TNNI3K: variants seen among roughly 807,000 people sequenced by gnomAD.
TNNI3K encodes TNNI3 interacting kinase.
A neutral mutation model predicts 114.5 loss-of-function variants in TNNI3K; 140 were observed. The observed-to-expected ratio is 1.22, with a 90% confidence interval of 1.07 to 1.41. The LOEUF (loss-of-function observed/expected upper bound fraction) is 1.41. Ranked by LOEUF, TNNI3K falls within the 40% of genes most tolerant of loss-of-function variation. The pLI is 0.00. For synonymous variants in TNNI3K, 347 were observed against 347.5 expected (o/e 1.00, Z 0.02); for missense variants, 1,125 against 1,007.6 (o/e 1.12, Z -1.58).
chr1:74,532,190 A>G (rs6657815), intron 23 of TNNI3K, among the ~76,000 whole-genome samples: 142,841 of 152,218 alleles, frequency 0.94, 67,146 homozygotes, highest in Middle Eastern at 0.97. Flanking sequence ...AGTTTAGTGC[A>G]TGTGTATCTC....
In TNNI3K at chr1:74,509,747, C is replaced by CTTTT. The variant is rs68193106; in HGVS notation, c.2351+17508_2351+17511dup. 4.4e-4 allele frequency among the ~76,000 whole-genome samples: 21 copies of CTTTT among 47,810 alleles called. 1 individual carries two copies. Among genetic ancestry groups the CTTTT allele is most frequent in the Admixed American group, 7.5e-4 (2 of 2,668 alleles). The allele number at this position is 47,810 out of a possible 152,430, so 31.4% of individuals were successfully genotyped here. A position where few individuals can be genotyped will look rare whatever the true frequency, so the allele number is the denominator to read the frequency against. Reference sequence around the variant, plus strand: ...TTCTGGTTTTGAGTGATCTGAATTTCTTTTTTTTTTTTTTTTTTTTTTTTT... The same window carrying CTTTT: ...TTCTGGTTTTGAGTGATCTGAATTTCTTTTTTTTTTTTTTTTTTTTTTTTTTTTT... On this transcript the variant is annotated intron_variant, in intron 23 of 24. Coordinates refer to ENST00000326637, the MANE Select transcript of TNNI3K (RefSeq NM_015978.3).
intron 17 of TNNI3K, among the ~76,000 whole-genome samples, chr1:74,417,988 C>T (rs56659298): frequency 0.019 from 2,869 of 152,096 alleles, 108 homozygotes; most frequent in African/African-American, 0.066. Flanking sequence ...CTATTCTCCT[C>T]AGCAACAAAT....
At chr1:74,526,842 G>A (rs1646509897) in intron 23 of TNNI3K, among the ~76,000 whole-genome samples, 1 of 152,182 alleles carries the variant, frequency 6.6e-6, no homozygotes, top group South Asian at 2.1e-4. Flanking sequence ...GTAAACTACA[G>A]CTCATGGGTA....
chr1:74,533,363 T>A (rs867812621), intron 23 of TNNI3K, among the ~76,000 whole-genome samples: 1 of 152,152 alleles, frequency 6.6e-6, no homozygotes, highest in Non-Finnish European at 1.5e-5. Flanking sequence ...CACAATGACA[T>A]ACCATCTCAC....
chr1:74,495,975 A>T (rs1463271870), intron 23 of TNNI3K, among the ~76,000 whole-genome samples: 1 of 152,206 alleles, frequency 6.6e-6, no homozygotes, highest in East Asian at 1.9e-4. Flanking sequence ...TGGACTAAGT[A>T]CAGGAGGGCC....
intron 17 of TNNI3K, among the ~76,000 whole-genome samples, chr1:74,431,421 A>G (rs1025414302): frequency 1.3e-5 from 2 of 152,092 alleles, no homozygotes; most frequent in Non-Finnish European, 2.9e-5. Context: ...ATTTTAGATT[A>G]TGTACCTTGA....
At chr1:74,436,389 T>C (rs964357699) in intron 18 of TNNI3K, 85 bp from the exon 19 acceptor site, 4 of 1,433,960 alleles carry the variant, frequency 2.8e-6, no homozygotes, top group Non-Finnish European at 3.7e-6. Flanking sequence ...CAGAAGTCTC[T>C]TGAGGTTTCA....
At chr1:74,300,017 A>G (rs1389908775) in intron 5 of TNNI3K, among the ~76,000 whole-genome samples, 1 of 152,190 alleles carries the variant, frequency 6.6e-6, no homozygotes, top group Non-Finnish European at 1.5e-5. Flanking sequence ...AGCTAATTTT[A>G]TAACTTAGAA....
intron 21 of TNNI3K, chr1:74,471,386 A>G (rs1469570602): frequency 2.5e-6 from 1 of 400,602 alleles, no homozygotes; most frequent in African/African-American, 2.1e-5. Context: ...GGAGGCAACA[A>G]TACCTGCTTG....
At chr1:74,254,811 C>G (rs1655171400) in intron 4 of TNNI3K, among the ~76,000 whole-genome samples, 1 of 152,120 alleles carries the variant, frequency 6.6e-6, no homozygotes, top group African/African-American at 2.4e-5. Flanking sequence ...GAAAGGACAG[C>G]TACTCCATAG....
At chr1:74,387,373 G>A (rs1663537488) in intron 17 of TNNI3K, among the ~76,000 whole-genome samples, 1 of 152,200 alleles carries the variant, frequency 6.6e-6, no homozygotes, top group Non-Finnish European at 1.5e-5. Flanking sequence ...GAAGTGCCAT[G>A]AAAATCGTAT....
At chr1:74,361,162 A>G (rs1026723173) in intron 11 of TNNI3K, among the ~76,000 whole-genome samples, 1 of 152,106 alleles carries the variant, frequency 6.6e-6, no homozygotes, top group East Asian at 1.9e-4. Context: ...AACAGGCAAA[A>G]TATTTTAAAA....
At chr1:74,417,240 C>G (rs1288081788) in intron 17 of TNNI3K, among the ~76,000 whole-genome samples, 2 of 152,002 alleles carry the variant, frequency 1.3e-5, no homozygotes, top group African/African-American at 4.8e-5. Context: ...CTGCTCAGAT[C>G]TCCTGTAGAC....
Position 74,236,125 on chromosome 1 carries a change from G to A in TNNI3K, c.64G>A (p.Glu22Lys). Residue 22 changes from glutamate (E) to lysine (K), a missense_variant, in exon 2 of 25, where the codon GAA (glutamate) becomes AAA (lysine). By Grantham distance (56) the Glu-to-Lys change is moderately conservative. Transcript: ENST00000326637. ...CTDEWKKKVS[E>K]SYVITIERLE... ...AGATGAATGGAAGAAAAAAGTCAGT[G>A]AATCATATGTTATCACAATAGAAAG... 6.2e-7 allele frequency: 1 copy of A among 1,606,654 alleles called. No homozygotes were observed. Among genetic ancestry groups the A allele is most frequent in the South Asian group, 1.1e-5 (1 of 90,424 alleles).
At chr1:74,450,625 G>A (rs1481865465) in intron 20 of TNNI3K, among the ~76,000 whole-genome samples, 1 of 151,952 alleles carries the variant, frequency 6.6e-6, no homozygotes, top group African/African-American at 2.4e-5. Context: ...ACATTTGTGC[G>A]GCCAACAAAC....
At chr1:74,260,485 C>G (rs1330075742) in intron 4 of TNNI3K, among the ~76,000 whole-genome samples, 1 of 152,104 alleles carries the variant, frequency 6.6e-6, no homozygotes, top group Non-Finnish European at 1.5e-5. Flanking sequence ...TTTCCTTATG[C>G]TCCTCAATTT....
At chr1:74,237,174 C>T (rs898928252) in intron 2 of TNNI3K, among the ~76,000 whole-genome samples, 1 of 151,882 alleles carries the variant, frequency 6.6e-6, no homozygotes, top group East Asian at 1.9e-4. Flanking sequence ...AAGTGTTCAA[C>T]TTATGGTTCA....
At chr1:74,439,240 A>T (rs1336081243) in intron 19 of TNNI3K, 1 of 364,692 alleles carries the variant, frequency 2.7e-6, no homozygotes, top group African/African-American at 2.1e-5. Context: ...AGGAAGAATT[A>T]TGAACTTTAT....
Position 74,424,570 on chromosome 1 carries a change from T to G in TNNI3K, c.1773-11510T>G, listed in dbSNP as rs550194588. ...CCCATCTCTAATAAAAATATAAAAA[T>G]TAACCAGGCATGGTGGCAGGCACCT... On this transcript the variant is annotated intron_variant, in intron 17 of 24. Transcript: ENST00000326637. Among the ~76,000 whole-genome samples the G allele has an allele frequency of 1.0e-3, 151 of 151,372 alleles. 1 individual carries two copies. The highest frequency in any genetic ancestry group is 1.6e-3 in the Non-Finnish European group (106 of 67,830).
Sources: allele counts gnomAD v4.1 joint callset (sites outside exome capture counted in the v4.1 genomes callset), GRCh38; gene constraint gnomAD v4.1.1; transcripts MANE v1.5; gene names NCBI Gene and HGNC (gene_info 2026-07-23, HGNC 2026-07-21).